KAT6B: variants seen among roughly 807,000 people sequenced by gnomAD.
KAT6B encodes the protein histone acetyltransferase KAT6B.
KAT6B carries 10 observed loss-of-function variants against 187.5 expected under a neutral mutation model. That is an observed-to-expected ratio of 0.05 (90% confidence interval 0.03 to 0.09). KAT6B has a LOEUF of 0.09. Ranked by LOEUF, KAT6B falls within the 10% of genes least tolerant of loss-of-function variation. The pLI is 1.00. For synonymous variants in KAT6B, 861 were observed against 926.8 expected (o/e 0.93, Z 1.29); for missense variants, 1,952 against 2,558.9 (o/e 0.76, Z 5.12).
At chr10:74,941,381 T>A (rs1849659723) in intron 3 of KAT6B, among the ~76,000 whole-genome samples, 1 of 152,138 alleles carries the variant, frequency 6.6e-6, no homozygotes, top group Non-Finnish European at 1.5e-5. Flanking sequence ...TACAAGTAAA[T>A]AGGAGAAATC....
At chr10:74,930,651 ACT>A (rs1848805725) in intron 3 of KAT6B, among the ~76,000 whole-genome samples, 1 of 151,886 alleles carries the variant, frequency 6.6e-6, no homozygotes, top group South Asian at 2.1e-4. Flanking sequence ...ATGTGCATCC[ACT>A]CTCTGTATGT....
chr10:74,857,450 C>A (rs775360524), intron 3 of KAT6B, among the ~76,000 whole-genome samples: 1 of 152,198 alleles, frequency 6.6e-6, no homozygotes, highest in Non-Finnish European at 1.5e-5. Context: ...ACAGCCTGGA[C>A]AGTTTTTCAG....
rs958569901 is a variant in KAT6B, at chr10:74,869,363, T to A, written c.621+25885T>A. Among the ~76,000 whole-genome samples the A allele has an allele frequency of 3.3e-5, 5 of 152,270 alleles. No homozygotes were observed. In the Middle Eastern group the frequency reaches 0.01, roughly 311 times the overall value. On this transcript the variant is annotated intron_variant, in intron 3 of 17. Transcript: ENST00000287239. ...CCCAGACTGGAGTGCAGCGGTGCGA[T>A]CTCCCCTCAGTGCAACCTCTGTCTC...
At chr10:74,939,969 T>C (rs1483107312) in intron 3 of KAT6B, among the ~76,000 whole-genome samples, 1 of 152,184 alleles carries the variant, frequency 6.6e-6, no homozygotes, top group African/African-American at 2.4e-5. Flanking sequence ...AGGATGAGAC[T>C]GGGACTGGGT....
At chr10:74,977,607 G>A (rs1351610653) in intron 9 of KAT6B, among the ~76,000 whole-genome samples, 170 bp downstream of exon 9, 3 of 152,164 alleles carry the variant, frequency 2.0e-5, no homozygotes, top group Non-Finnish European at 4.4e-5. Context: ...CAATGACTTA[G>A]TAGAATTGTC....
chr10:75,026,422 A>G (rs905470034), intron 17 of KAT6B, among the ~76,000 whole-genome samples: 1 of 152,158 alleles, frequency 6.6e-6, no homozygotes, highest in African/African-American at 2.4e-5. Flanking sequence ...TCTATTCAGA[A>G]CTTACTTTAA....
intron 9 of KAT6B, among the ~76,000 whole-genome samples, 188 bp from the exon 10 acceptor site, chr10:74,979,036 A>C (rs148432940): frequency 1.3e-3 from 195 of 152,308 alleles, no homozygotes; most frequent in African/African-American, 4.2e-3. Context: ...CCATTGAAAA[A>C]ATTATAAAAA....
chr10:75,009,149 G>T (rs1844421806), intron 13 of KAT6B, among the ~76,000 whole-genome samples: 1 of 152,178 alleles, frequency 6.6e-6, no homozygotes, highest in South Asian at 2.1e-4. Flanking sequence ...CAGTGTGATT[G>T]ATTCCTTGCA....
chr10:74,837,928 CTGTT>C (rs1330106561), intron 1 of KAT6B, among the ~76,000 whole-genome samples: 1 of 150,506 alleles, frequency 6.6e-6, no homozygotes, highest in Non-Finnish European at 1.5e-5. Context: ...CTAATTAACT[CTGTT>C]GGTTGGTGTC....
At chr10:74,940,583 T>G (rs1849599301) in intron 3 of KAT6B, among the ~76,000 whole-genome samples, 1 of 150,794 alleles carries the variant, frequency 6.6e-6, no homozygotes, top group African/African-American at 2.4e-5. Flanking sequence ...CTTTGTTTTT[T>G]TTTTTTTTCT....
rs752855653 is a variant in KAT6B, at chr10:74,843,332, G to T, written c.475G>T (p.Ala159Ser). The T allele has an allele frequency of 6.2e-7, 1 of 1,613,366 alleles. No homozygotes were observed. Among genetic ancestry groups the T allele is most frequent in the Non-Finnish European group, 8.5e-7 (1 of 1,179,626 alleles). Residue 159 changes from alanine (A) to serine (S), a missense_variant, in exon 3 of 18, where the codon GCT (alanine) becomes TCT (serine). Ala to Ser is a moderately conservative substitution (Grantham distance 99). Coordinates refer to ENST00000287239, the MANE Select transcript of KAT6B (RefSeq NM_012330.4). The stretch of plus-strand genomic sequence containing the variant: ...GCGGCTGCGACTGGGGGCCAAACGC[G>T]CTGTGAATAATGGGAGGTTACTGAA... The part of the protein sequence containing the change: ...QQRLRLGAKR[A>S]VNNGRLLKDG...
At chr10:74,855,294 T>C (rs1235630816) in intron 3 of KAT6B, among the ~76,000 whole-genome samples, 1 of 152,232 alleles carries the variant, frequency 6.6e-6, no homozygotes, top group Non-Finnish European at 1.5e-5. Flanking sequence ...GAGGCAGAGC[T>C]TGACTGTTTC....
At chr10:75,020,974 T>A in intron 14 of KAT6B, 152 bp from the exon 15 acceptor site, 1 of 963,316 alleles carries the variant, frequency 1.0e-6, no homozygotes, top group Non-Finnish European at 1.6e-6. Flanking sequence ...ACTTTTTTAC[T>A]GGTTGGATTC....
At chr10:74,937,763 G>A (rs904048060) in intron 3 of KAT6B, among the ~76,000 whole-genome samples, 1 of 152,174 alleles carries the variant, frequency 6.6e-6, no homozygotes, top group Non-Finnish European at 1.5e-5. Flanking sequence ...TCTGTTCATA[G>A]TAAGTGCTCT....
At position 74,842,784 on chromosome 10, in the gene KAT6B, A is replaced by C; in HGVS notation, c.-74A>C. The C allele has an allele frequency of 6.6e-7, 1 of 1,519,156 alleles. No individual in the cohort carries two copies. Among genetic ancestry groups the C allele is most frequent in the Admixed American group, 1.7e-5 (1 of 59,832 alleles). The allele number at this position is 1,519,156 out of a possible 1,614,324, so 94.1% of individuals were successfully genotyped here. On this transcript the variant is annotated 5_prime_UTR_variant, in exon 3 of 18. Transcript: ENST00000287239. ...TTTGTTGAATTGTAAATGACTTTCA[A>C]ATGTGCAAGTTCTGTTAAATACAAA...
intron 3 of KAT6B, among the ~76,000 whole-genome samples, chr10:74,887,707 G>T (rs1845378897): frequency 6.6e-6 from 1 of 152,084 alleles, no homozygotes; most frequent in Non-Finnish European, 1.5e-5. Context: ...TGGCTTTGAT[G>T]TTAAGAAAGG....
chr10:74,999,049 A>T (rs1843647294), intron 13 of KAT6B, among the ~76,000 whole-genome samples: 1 of 152,360 alleles, frequency 6.6e-6, no homozygotes, highest in Non-Finnish European at 1.5e-5. Context: ...ACATTTCTAG[A>T]TGACCTCTGG....
At chr10:74,875,883 A>G (rs1357808563) in intron 3 of KAT6B, among the ~76,000 whole-genome samples, 1 of 152,136 alleles carries the variant, frequency 6.6e-6, no homozygotes, top group African/African-American at 2.4e-5. Flanking sequence ...TCTTCACACA[A>G]ATTATCATCT....
intron 3 of KAT6B, among the ~76,000 whole-genome samples, chr10:74,940,584 T>G (rs1020604922): frequency 2.7e-5 from 4 of 150,766 alleles, no homozygotes; most frequent in African/African-American, 9.8e-5. Flanking sequence ...TTTGTTTTTT[T>G]TTTTTTTCTT....
Sources: gnomAD v4.1 joint callset for allele counts (sites outside exome capture counted in the v4.1 genomes callset) on GRCh38, gnomAD v4.1.1 for gene constraint, MANE v1.5 for transcripts, NCBI Gene and HGNC (gene_info 2026-07-23, HGNC 2026-07-21) for gene names.